The following DNAH3 variants were observed in gnomAD, a reference collection of about 807,000 sequenced individuals.
DNAH3 encodes the protein dynein axonemal heavy chain 3, also known as axonemal beta dynein heavy chain 3.
Under a neutral mutation model 432.5 loss-of-function variants are expected in DNAH3, and 332 were observed. The observed-to-expected ratio is 0.77, with a 90% CI of 0.70 to 0.84. The LOEUF is 0.84. Ranked by LOEUF, DNAH3 falls within the 40% of genes least tolerant of loss-of-function variation. The pLI is 0.00. For synonymous variants in DNAH3, 1,956 were observed against 1,900.2 expected, an observed-to-expected ratio of 1.03 and a Z score of -0.76; for missense variants, 4,861 against 5,114.0, an observed-to-expected ratio of 0.95 and a Z score of 1.51.
At position 20,954,044 on chromosome 16, in the gene DNAH3, G is replaced by A. The variant is rs142711405; in HGVS notation, c.11071+769C>T. ...GTTCTAGACCAGCCTGGCCAACACG[G>A]TGAAACCCCATCTCTACTAAAAATA... On this transcript the variant is annotated intron_variant, in intron 55 of 61. Transcript: ENST00000261383. Among the ~76,000 whole-genome samples the A allele has an allele frequency of 2.0e-5, 3 of 151,988 alleles. No individual in the cohort carries two copies. In the East Asian group the frequency reaches 5.9e-4, roughly 30 times the overall value.
At chr16:21,158,045 T>G (rs2092911522) in intron 1 of DNAH3, among the ~76,000 whole-genome samples, 1 of 152,128 alleles carries the variant, frequency 6.6e-6, no homozygotes, top group African/African-American at 2.4e-5. Flanking sequence ...TTCAGAAACC[T>G]TACTCTATAG....
chr16:21,146,921 C>T (rs1233250821), intron 1 of DNAH3, among the ~76,000 whole-genome samples: 1 of 151,730 alleles, frequency 6.6e-6, no homozygotes, highest in African/African-American at 2.4e-5. Context: ...CCACCATGCC[C>T]AGCTAATTTT....
At position 20,963,694 on chromosome 16, in the gene DNAH3, AGAAG is replaced by A. The variant is rs1306323631; in HGVS notation, c.10186_10189del (p.Leu3396SerfsTer39). ...GTTATCCAGTGCGATGCCTCCAGTG[AGAAG>A]GAAGTACCACACCTCCTCCGTAATT... On this transcript the variant is annotated frameshift_variant, in exon 53 of 62. Coordinates refer to ENST00000261383, the Ensembl canonical transcript of DNAH3. LOFTEE classifies it high-confidence loss of function. 6 of 1,613,936 alleles carry A rather than the reference AGAAG, an allele frequency of 3.7e-6. No individual in the cohort carries two copies. The highest frequency in any genetic ancestry group is 5.1e-6 in the Non-Finnish European group (6 of 1,180,026).
chr16:21,064,949 A>G (rs1303291014), intron 24 of DNAH3, among the ~76,000 whole-genome samples: 1 of 151,448 alleles, frequency 6.6e-6, no homozygotes, highest in African/African-American at 2.4e-5. Flanking sequence ...ATGGCTGAAT[A>G]TCTTATCCAG....
exon 51 of DNAH3, chr16:20,975,317 C>T (rs201350642): frequency 1.8e-4 from 294 of 1,614,060 alleles, no homozygotes; most frequent in Non-Finnish European, 2.4e-4. Flanking sequence ...CAGCTTCTCT[C>T]GTCTCCGCTT....
At chr16:21,110,692 G>C (rs1238736952) in intron 14 of DNAH3, among the ~76,000 whole-genome samples, 1 of 152,004 alleles carries the variant, frequency 6.6e-6, no homozygotes, top group Non-Finnish European at 1.5e-5. Flanking sequence ...TAAAATAAAG[G>C]CATAATATAG....
At chr16:20,954,951 G>C in exon 55 of DNAH3, 1 of 1,614,090 alleles carries the variant, frequency 6.2e-7, no homozygotes, top group Non-Finnish European at 8.5e-7. Flanking sequence ...AGGTAGGAGC[G>C]CAACAGGTTG....
At chr16:21,157,170 C>T (rs1413306177) in intron 1 of DNAH3, among the ~76,000 whole-genome samples, 1 of 152,086 alleles carries the variant, frequency 6.6e-6, no homozygotes, top group East Asian at 1.9e-4. Flanking sequence ...TGTGGAATTA[C>T]AGCAGGATTC....
At position 20,964,032 on chromosome 16, in the gene DNAH3, TTC is replaced by T. The variant is rs1264175790; in HGVS notation, c.9850_9851del (p.Glu3284AsnfsTer4). On this transcript the variant is annotated frameshift_variant, in exon 53 of 62. Coordinates refer to ENST00000261383, the Ensembl canonical transcript of DNAH3. LOFTEE classifies it high-confidence loss of function. ...CCATCCGAGTCTCGTCAATCTGCGT[TTC>T]TGTCATGGAAGCAACTTTCTGTTTC... 1 of 1,614,176 alleles carries T rather than the reference TTC, an allele frequency of 6.2e-7. No homozygotes were observed. Among genetic ancestry groups the T allele is most frequent in the South Asian group, 1.1e-5 (1 of 91,076 alleles).
intron 3 of DNAH3, among the ~76,000 whole-genome samples, chr16:21,141,616 G>GTT (rs2092720826): frequency 6.6e-6 from 1 of 152,202 alleles, no homozygotes; most frequent in African/African-American, 2.4e-5. Flanking sequence ...GGGGATGTGC[G>GTT]TATCTTCCAT....
chr16:21,016,464 A>T (rs2087862085), intron 41 of DNAH3, among the ~76,000 whole-genome samples: 1 of 152,196 alleles, frequency 6.6e-6, no homozygotes, highest in Non-Finnish European at 1.5e-5. Context: ...AATGAACTTC[A>T]TACCCACCAC....
At chr16:21,060,501 C>G (rs1016771882) in intron 25 of DNAH3, 145 bp from the exon 26 acceptor site, 10 of 579,840 alleles carry the variant, frequency 1.7e-5, no homozygotes, top group Non-Finnish European at 2.4e-5. Context: ...CTCTGTCTCC[C>G]CGTTCTTTTT....
Position 20,959,213 on chromosome 16 carries a change from C to G in DNAH3, c.10792G>C (p.Val3598Leu), listed in dbSNP as rs368233531. Residue 3598 changes from valine (V) to leucine (L), a missense_variant, in exon 54 of 62, where the codon GTG (valine) becomes CTG (leucine). Coordinates refer to ENST00000261383, the Ensembl canonical transcript of DNAH3. ...GCATTGGTGCTCTCAGGAACAATCACCTCCTCACAAATCTTCTCCAGGGTA... is the reference window on the plus strand; with the variant it reads ...GCATTGGTGCTCTCAGGAACAATCAGCTCCTCACAAATCTTCTCCAGGGTA... The G allele has an allele frequency of 7.6e-5, 123 of 1,614,082 alleles. No homozygotes were observed. Among genetic ancestry groups the G allele is most frequent in the Non-Finnish European group, 9.8e-5 (116 of 1,180,042 alleles).
chr16:20,964,635 G>A (rs1474584069), exon 53 of DNAH3: 1 of 1,614,012 alleles, frequency 6.2e-7, no homozygotes, highest in Non-Finnish European at 8.5e-7. Context: ...GCCCGTGAGG[G>A]TCAATCATTA....
intron 18 of DNAH3, among the ~76,000 whole-genome samples, chr16:21,090,253 A>G (rs2091491345): frequency 3.3e-5 from 5 of 151,950 alleles, no homozygotes; most frequent in Admixed American, 2.6e-4. Context: ...AAACATTAGA[A>G]GAAGAAAAAA....
At chr16:21,075,421 G>C (rs1419208798) in intron 21 of DNAH3, 26 bp downstream of exon 21, 1 of 1,506,326 alleles carries the variant, frequency 6.6e-7, no homozygotes, top group Admixed American at 1.7e-5. Context: ...GCTTTCAAAA[G>C]GGGCTGCGGT....
Position 21,005,864 on chromosome 16 carries a change from A to G in DNAH3, c.6023-2657T>C, listed in dbSNP as rs146117360. 7.4e-3 allele frequency among the ~76,000 whole-genome samples: 1,091 copies of G among 148,166 alleles called. 15 individuals are homozygous for G. The highest frequency in any genetic ancestry group is 0.027 in the African/African-American group (1,054 of 39,410). ...CTTTTTTTTTTTTTTTTGCATTTTA[A>G]ATTGCTGTGCAGAAACTGAGGCCCA... On this transcript the variant is annotated intron_variant, in intron 41 of 61. Transcript: ENST00000261383.
intron 18 of DNAH3, among the ~76,000 whole-genome samples, chr16:21,092,130 G>A (rs995085544): frequency 2.0e-5 from 3 of 152,164 alleles, no homozygotes; most frequent in Non-Finnish European, 4.4e-5. Context: ...AATTTACACA[G>A]AGAAGTAAAA....
At chr16:21,074,142 C>T (rs1029819084) in intron 21 of DNAH3, among the ~76,000 whole-genome samples, 2 of 152,146 alleles carry the variant, frequency 1.3e-5, no homozygotes, top group Non-Finnish European at 2.9e-5. Context: ...CACACCTTTT[C>T]ACCCCTACAG....
Sources: allele counts gnomAD v4.1 joint callset (sites outside exome capture counted in the v4.1 genomes callset), GRCh38; gene constraint gnomAD v4.1.1; transcripts MANE v1.5; gene names NCBI Gene and HGNC (gene_info 2026-07-23, HGNC 2026-07-21).